RIC1: variants seen among roughly 807,000 people sequenced by gnomAD.
RIC1 encodes the protein guanine nucleotide exchange factor subunit RIC1.
In RIC1, 88 loss-of-function variants were observed where a neutral mutation model predicts 169.0. That is an observed-to-expected ratio of 0.52 (90% CI 0.44 to 0.62). The LOEUF (loss-of-function observed/expected upper bound fraction) is 0.62, where lower values mean the gene tolerates loss of function less well. RIC1 is among the 20% of genes least tolerant of loss of function. The pLI is 0.00. For synonymous variants in RIC1, 790 were observed against 601.5 expected, an observed-to-expected ratio of 1.31 and a Z score of -4.59; for missense variants, 1,877 against 1,725.5, an observed-to-expected ratio of 1.09 and a Z score of -1.56.
intron 7 of RIC1, among the ~76,000 whole-genome samples, chr9:5,736,663 A>G (rs1824725516): frequency 6.6e-6 from 1 of 152,210 alleles, no homozygotes; most frequent in Non-Finnish European, 1.5e-5. Flanking sequence ...CATGGAAGAT[A>G]TTAGAAAAAG....
chr9:5,763,111 C>G lies in RIC1; in HGVS notation c.2113-29C>G. Reference sequence around the variant, plus strand: ...AGAACCTGCAGATTTAATAGGAAAACAACTTGATTCTTGTCTCTCCTTCTC... The same window carrying G: ...AGAACCTGCAGATTTAATAGGAAAAGAACTTGATTCTTGTCTCTCCTTCTC... On this transcript the variant is annotated intron_variant, in intron 18 of 25. Coordinates refer to ENST00000414202, the MANE Select transcript of RIC1 (RefSeq NM_020829.4). This position sits in a 1 kb window ranked among gnomAD's most constrained non-coding sequence, Gnocchi z 5.2. 1 of 1,599,520 alleles carries G rather than the reference C, an allele frequency of 6.3e-7. No individual in the cohort carries two copies. The highest frequency in any genetic ancestry group is 8.5e-7 in the Non-Finnish European group (1 of 1,171,346).
chr9:5,684,753 T>C (rs1163686541), intron 2 of RIC1, among the ~76,000 whole-genome samples: 1 of 152,150 alleles, frequency 6.6e-6, no homozygotes, highest in African/African-American at 2.4e-5. Context: ...GTGTTGAATA[T>C]GATGAAGGCA....
chr9:5,770,365 T>G (rs1241790935), intron 23 of RIC1, 87 bp downstream of exon 23: 51 of 1,173,950 alleles, frequency 4.3e-5, no homozygotes, highest in Non-Finnish European at 5.9e-5. Context: ...CTTCATTCTT[T>G]TTCTATCGTG....
chr9:5,715,967 A>T (rs1308148515), intron 4 of RIC1, among the ~76,000 whole-genome samples: 1 of 151,962 alleles, frequency 6.6e-6, no homozygotes, highest in South Asian at 2.1e-4. Flanking sequence ...ACCTCAGCCT[A>T]TCAAGTAGCT....
chr9:5,656,759 C>G, intron 2 of RIC1, 69 bp downstream of exon 2: 4 of 871,384 alleles, frequency 4.6e-6, no homozygotes, highest in Non-Finnish European at 7.4e-6. Context: ...ATTTGATTCT[C>G]TTAGATGACT....
chr9:5,736,983 CA>C (rs55858819), intron 7 of RIC1, among the ~76,000 whole-genome samples: 72,638 of 139,666 alleles, frequency 0.52, 18,020 homozygotes, highest in East Asian at 0.85. Flanking sequence ...CTCCTACCAC[CA>C]AAAAAAAAAA....
intron 12 of RIC1, among the ~76,000 whole-genome samples, chr9:5,748,924 C>G (rs1364722523): frequency 6.6e-6 from 1 of 152,156 alleles, no homozygotes; most frequent in African/African-American, 2.4e-5. Flanking sequence ...GACAGATGAA[C>G]TTTTAAAACT....
intron 4 of RIC1, among the ~76,000 whole-genome samples, chr9:5,716,723 G>C (rs966125536): frequency 6.6e-6 from 1 of 152,236 alleles, no homozygotes; most frequent in Non-Finnish European, 1.5e-5. Context: ...CAGTTGGCCA[G>C]ATTTTTCTGA....
At chr9:5,777,386 T>C (rs1052223605), downstream of RIC1, among the ~76,000 whole-genome samples, 28 of 150,750 alleles carry the variant, frequency 1.9e-4, no homozygotes, top group Non-Finnish European at 1.2e-4. Flanking sequence ...CTCTAAAATG[T>C]ACCCATTAAA....
chr9:5,709,779 T>C (rs1822825405), intron 3 of RIC1, among the ~76,000 whole-genome samples: 1 of 152,216 alleles, frequency 6.6e-6, no homozygotes, highest in African/African-American at 2.4e-5. Flanking sequence ...AAGTTTGCTC[T>C]ATTTTAGTAT....
chr9:5,681,450 GT>G (rs1820834805), intron 2 of RIC1, among the ~76,000 whole-genome samples: 1 of 152,258 alleles, frequency 6.6e-6, no homozygotes, highest in Non-Finnish European at 1.5e-5. Context: ...TAGTTGAGTG[GT>G]TTTGAGTGAG....
Position 5,629,270 on chromosome 9 carries a change from G to C in RIC1, c.-40G>C, listed in dbSNP as rs769343653. On this transcript the variant is annotated 5_prime_UTR_variant, in exon 1 of 26. Transcript: ENST00000414202. Reference sequence around the variant, plus strand: ...CGACCAGCCCGGGGCCGCTGAGTGTGACGGACGCAACTGGGGGCGCCGGGG... The same window carrying C: ...CGACCAGCCCGGGGCCGCTGAGTGTCACGGACGCAACTGGGGGCGCCGGGG... 6.9e-7 allele frequency: 1 copy of C among 1,442,774 alleles called. No homozygotes were observed. The highest frequency in any genetic ancestry group is 1.3e-5 in the South Asian group (1 of 74,916). The allele number at this position is 1,442,774 out of a possible 1,614,324, so 89.4% of individuals were successfully genotyped here.
intron 8 of RIC1, among the ~76,000 whole-genome samples, chr9:5,739,803 G>A (rs987707193): frequency 6.6e-6 from 1 of 152,198 alleles, no homozygotes; most frequent in Non-Finnish European, 1.5e-5. Context: ...TACAAACTCA[G>A]TGAATCTAGC....
chr9:5,661,781 G>A (rs1314767056), intron 2 of RIC1, among the ~76,000 whole-genome samples: 1 of 152,188 alleles, frequency 6.6e-6, no homozygotes, highest in Non-Finnish European at 1.5e-5. Flanking sequence ...TGCAAACAAA[G>A]ATAGTTTAAT....
At chr9:5,742,250 C>G (rs1825125477) in intron 8 of RIC1, among the ~76,000 whole-genome samples, 1 of 152,120 alleles carries the variant, frequency 6.6e-6, no homozygotes, top group Non-Finnish European at 1.5e-5. Flanking sequence ...TGAGCTTTAT[C>G]TCCTGTTCCT....
At chr9:5,644,346 T>C (rs533089328) in intron 1 of RIC1, among the ~76,000 whole-genome samples, 2 of 152,334 alleles carry the variant, frequency 1.3e-5, no homozygotes, top group African/African-American at 4.8e-5. Context: ...GGTTTTTATT[T>C]AGCATAATGT....
chr9:5,662,060 A>C (rs999040878), intron 2 of RIC1, among the ~76,000 whole-genome samples: 1 of 152,164 alleles, frequency 6.6e-6, no homozygotes, highest in African/African-American at 2.4e-5. Context: ...AATTTTATTA[A>C]AGACCTTTTC....
chr9:5,708,912 A>AT (rs202077775), intron 3 of RIC1, among the ~76,000 whole-genome samples: 12 of 148,790 alleles, frequency 8.1e-5, no homozygotes, highest in African/African-American at 1.5e-4. Flanking sequence ...AACTGGGTCT[A>AT]TTTTTTTTTC....
chr9:5,728,928 A>C (rs1377890667), intron 6 of RIC1, among the ~76,000 whole-genome samples: 1 of 152,170 alleles, frequency 6.6e-6, no homozygotes, highest in African/African-American at 2.4e-5. Context: ...CGTTTGGTTT[A>C]CTATGTCCTT....
Sources: allele counts gnomAD v4.1 joint callset (sites outside exome capture counted in the v4.1 genomes callset), GRCh38; gene constraint gnomAD v4.1.1; non-coding constraint Gnocchi (gnomAD v3.1); transcripts MANE v1.5; gene names NCBI Gene and HGNC (gene_info 2026-07-23, HGNC 2026-07-21).